The following DAW1 variants were observed in gnomAD, a reference collection of about 807,000 sequenced individuals.
DAW1 encodes dynein assembly factor with WD repeat domains 1.
Under a neutral mutation model 56.5 loss-of-function variants are expected in DAW1, and 47 were observed. The observed-to-expected ratio is 0.83, with a 90% CI of 0.66 to 1.06. The LOEUF (loss-of-function observed/expected upper bound fraction) is 1.06. Ranked by LOEUF, DAW1 falls within the 50% of genes least tolerant of loss-of-function variation. DAW1 has a pLI of 0.00. For synonymous variants in DAW1, 190 were observed against 179.0 expected, an observed-to-expected ratio of 1.06 and a Z score of -0.49; for missense variants, 505 against 499.3, an observed-to-expected ratio of 1.01 and a Z score of -0.11.
In DAW1 at chr2:227,907,136, A is replaced by G. The variant is rs750972173; in HGVS notation, c.859-2A>G. 8 of 1,595,546 alleles carry G rather than the reference A, an allele frequency of 5.0e-6. No individual in the cohort carries two copies. In the South Asian group the frequency reaches 6.8e-5, roughly 14 times the overall value. ...TTTTGTTTTTTGTTCTTTTAATTGTAGCTGTGGGATGCTACAAATGGAAAA... is the reference window on the plus strand; with the variant it reads ...TTTTGTTTTTTGTTCTTTTAATTGTGGCTGTGGGATGCTACAAATGGAAAA... On this transcript the variant is annotated splice_acceptor_variant, in intron 9 of 12. Coordinates refer to ENST00000309931, the MANE Select transcript of DAW1 (RefSeq NM_178821.3). LOFTEE classifies it high-confidence loss of function.
intron 1 of DAW1, among the ~76,000 whole-genome samples, chr2:227,882,154 T>C (rs1186985976): frequency 6.6e-6 from 1 of 152,246 alleles, no homozygotes; most frequent in African/African-American, 2.4e-5. Context: ...GCTAGAATTA[T>C]ATCTGTTATA....
chr2:227,903,520 A>G (rs1691599943), intron 7 of DAW1, among the ~76,000 whole-genome samples: 1 of 152,194 alleles, frequency 6.6e-6, no homozygotes, highest in Non-Finnish European at 1.5e-5. Flanking sequence ...CTGAAATGAC[A>G]GAGGGGCAAG....
intron 1 of DAW1, among the ~76,000 whole-genome samples, chr2:227,876,852 CA>C (rs1377633984): frequency 6.6e-6 from 1 of 152,202 alleles, no homozygotes; most frequent in Non-Finnish European, 1.5e-5. Flanking sequence ...TCAGTTATGA[CA>C]ATTTTTGTAT....
chr2:227,917,990 G>A (rs1692003804), intron 10 of DAW1, among the ~76,000 whole-genome samples: 1 of 152,098 alleles, frequency 6.6e-6, no homozygotes, highest in African/African-American at 2.4e-5. Context: ...GTCTTCATCT[G>A]GCAAGGCAAA....
At chr2:227,905,327 C>T (rs1192587083) in intron 8 of DAW1, among the ~76,000 whole-genome samples, 1 of 152,064 alleles carries the variant, frequency 6.6e-6, no homozygotes, top group Non-Finnish European at 1.5e-5. Context: ...ATTTCAATGG[C>T]TTGTCATTAT....
At chr2:227,921,289 C>G (rs2106219163) in intron 11 of DAW1, 110 bp from the exon 12 acceptor site, 1 of 1,151,006 alleles carries the variant, frequency 8.7e-7, no homozygotes, top group South Asian at 1.7e-5. Flanking sequence ...AGGAAGGTGA[C>G]ATGTGCTGTA....
chr2:227,910,524 A>ACACACACACACACC (rs756824641), intron 10 of DAW1, among the ~76,000 whole-genome samples: 142 of 150,200 alleles, frequency 9.5e-4, no homozygotes, highest in Middle Eastern at 6.8e-3. Flanking sequence ...ACACACACAC[A>ACACACACACACACC]CCCCTCATAT....
chr2:227,907,864 A>G (rs1201085166), intron 10 of DAW1, among the ~76,000 whole-genome samples: 3 of 152,200 alleles, frequency 2.0e-5, no homozygotes, highest in Non-Finnish European at 1.5e-5. Flanking sequence ...ATGATTACAT[A>G]TGATGTTACC....
At chr2:227,875,083 G>T (rs1690849039) in intron 1 of DAW1, among the ~76,000 whole-genome samples, 1 of 152,016 alleles carries the variant, frequency 6.6e-6, no homozygotes, top group Non-Finnish European at 1.5e-5. Context: ...CTCATGTGGG[G>T]GTCTCCCATG....
At position 227,873,992 on chromosome 2, in the gene DAW1, C is replaced by T. The variant is rs565781321; in HGVS notation, c.40+2263C>T. Among the ~76,000 whole-genome samples the T allele has an allele frequency of 3.2e-4, 49 of 152,166 alleles. 1 individual carries two copies. In the South Asian group the frequency reaches 7.7e-3, roughly 24 times the overall value. ...CACTGCATCAGGCTGAGAGTATCTA[C>T]GAAATTTAAATTAGGCATAGGTAGA... On this transcript the variant is annotated intron_variant, in intron 1 of 12. Transcript: ENST00000309931.
chr2:227,923,803 A>T, intron 12 of DAW1, 131 bp from the exon 13 acceptor site: 1 of 1,013,390 alleles, frequency 9.9e-7, no homozygotes, highest in Non-Finnish European at 1.5e-6. Flanking sequence ...CTCTGCAGCT[A>T]GGCGCGGAGA....
Position 227,871,741 on chromosome 2 carries a change from C to G in DAW1, c.40+12C>G. 1 of 1,613,758 alleles carries G rather than the reference C, an allele frequency of 6.2e-7. No individual in the cohort carries two copies. Among genetic ancestry groups the G allele is most frequent in the Non-Finnish European group, 8.5e-7 (1 of 1,179,844 alleles). ...GTATTACCCGCCAGGTACGCACCAGCCCGGCCCCGTCATCCCCACGTGGGA... is the reference window on the plus strand; with the variant it reads ...GTATTACCCGCCAGGTACGCACCAGGCCGGCCCCGTCATCCCCACGTGGGA... On this transcript the variant is annotated intron_variant, in intron 1 of 12. Transcript: ENST00000309931.
chr2:227,923,863 A>G (rs1477448665), intron 12 of DAW1, 71 bp from the exon 13 acceptor site: 9 of 1,580,294 alleles, frequency 5.7e-6, no homozygotes, highest in African/African-American at 1.4e-5. Flanking sequence ...AGAAAATGTC[A>G]ACTTGTAGAA....
In DAW1 at chr2:227,922,420, A is replaced by G. The variant is rs1001118023; in HGVS notation, c.1213+859A>G. Among the ~76,000 whole-genome samples, 10 of 152,210 alleles carry G rather than the reference A, an allele frequency of 6.6e-5. 1 individual carries two copies. Among genetic ancestry groups the G allele is most frequent in the Admixed American group, 6.5e-4 (10 of 15,288 alleles). ...GTGGAAAGGGGAGAAAAATGACAAG[A>G]TGATGGTATCATGTTAGTGGAGTGC... is the stretch of plus-strand genomic sequence containing the variant. On this transcript the variant is annotated intron_variant, in intron 12 of 12. Transcript: ENST00000309931.
chr2:227,897,134 T>G (rs1484398402), intron 5 of DAW1, among the ~76,000 whole-genome samples: 1 of 150,628 alleles, frequency 6.6e-6, no homozygotes, highest in Non-Finnish European at 1.5e-5. Context: ...GAGCTTATCT[T>G]GAGCACGTAT....
At chr2:227,916,665 G>A (rs1691959048) in intron 10 of DAW1, among the ~76,000 whole-genome samples, 1 of 151,984 alleles carries the variant, frequency 6.6e-6, no homozygotes, top group Non-Finnish European at 1.5e-5. Context: ...TATTATTTGG[G>A]TATCATCTTC....
At chr2:227,882,541 G>A (rs571013478) in intron 1 of DAW1, among the ~76,000 whole-genome samples, 1 of 152,366 alleles carries the variant, frequency 6.6e-6, no homozygotes, top group African/African-American at 2.4e-5. Context: ...AGGAGTGCAT[G>A]TATTTTGAGT....
chr2:227,893,388 A>G (rs1020790472), intron 4 of DAW1, among the ~76,000 whole-genome samples: 14 of 152,026 alleles, frequency 9.2e-5, no homozygotes, highest in African/African-American at 3.4e-4. Flanking sequence ...ATAATAGGCC[A>G]GGCGTGGTGT....
At chr2:227,906,134 A>G in intron 8 of DAW1, 102 bp from the exon 9 acceptor site, 1 of 798,306 alleles carries the variant, frequency 1.3e-6, no homozygotes, top group Admixed American at 2.9e-5. Context: ...TGTAAAAACC[A>G]GATTTTAGAT....
Sources: gnomAD v4.1 joint callset for allele counts (sites outside exome capture counted in the v4.1 genomes callset) on GRCh38, gnomAD v4.1.1 for gene constraint, MANE v1.5 for transcripts, NCBI Gene and HGNC (gene_info 2026-07-23, HGNC 2026-07-21) for gene names.